The following IKBKB variants were observed in gnomAD, a reference collection of about 807,000 sequenced individuals.
The protein encoded by IKBKB is inhibitor of nuclear factor kappa B kinase subunit beta.
A neutral mutation model predicts 113.6 loss-of-function variants in IKBKB; 42 were observed. That is an observed-to-expected ratio of 0.37 (90% CI 0.29 to 0.48). The LOEUF is 0.48. Among genes scored for constraint, IKBKB ranks in the 20% least tolerant of loss-of-function variants. The probability of loss-of-function intolerance (pLI) is 0.99; values close to 1 mark genes in which losing one functional copy is unlikely to be tolerated. For missense variants in IKBKB, 673 were observed against 939.7 expected (o/e 0.72, Z 3.71); for synonymous variants, 296 against 361.3 (o/e 0.82, Z 2.05).
chr8:42,289,493 A>T (rs949774063), intron 3 of IKBKB, among the ~76,000 whole-genome samples: 2 of 152,148 alleles, frequency 1.3e-5, no homozygotes, highest in Non-Finnish European at 2.9e-5. Context: ...GCTGTCGCTG[A>T]CATTTATTCC....
At chr8:42,327,773 C>T (rs888222279) in intron 20 of IKBKB, among the ~76,000 whole-genome samples, 1 of 148,376 alleles carries the variant, frequency 6.7e-6, no homozygotes, top group African/African-American at 2.5e-5. Flanking sequence ...GCTGGGATTA[C>T]AGGCATGAGC....
At chr8:42,301,456 G>A (rs1352222475) in intron 5 of IKBKB, among the ~76,000 whole-genome samples, 1 of 152,148 alleles carries the variant, frequency 6.6e-6, no homozygotes, top group Non-Finnish European at 1.5e-5. Context: ...GTACTGTTTT[G>A]TAAAATGTAG....
chr8:42,273,422 AT>A (rs200559236), intron 2 of IKBKB, among the ~76,000 whole-genome samples: 32,550 of 145,264 alleles, frequency 0.22, 6,572 homozygotes, highest in African/African-American at 0.58. Context: ...CTCAAAAAAT[AT>A]ATATATATAT....
At chr8:42,310,174 G>T (rs561514812) in intron 8 of IKBKB, among the ~76,000 whole-genome samples, 2 of 152,186 alleles carry the variant, frequency 1.3e-5, no homozygotes, top group African/African-American at 2.4e-5. Flanking sequence ...ATTTAGGATT[G>T]TTCCTTGAGA....
rs1821750181 is a variant in IKBKB at position 42,332,243 on chromosome 8, A to G, written c.*1264A>G. On this transcript the variant is annotated 3_prime_UTR_variant, in exon 22 of 22. Coordinates refer to ENST00000520810, the MANE Select transcript of IKBKB (RefSeq NM_001556.3). ...GTCAAGTAAGTTTAGGGAGCTATTC[A>G]TGTTTCACTTGCTTTGTGGAGATTC... 6.6e-6 allele frequency: 1 copy of G among 152,222 alleles called. No individual in the cohort carries two copies. The highest frequency in any genetic ancestry group is 2.1e-4 in the South Asian group (1 of 4,832). The allele number at this position is 152,222 out of a possible 1,614,324, so 9.4% of individuals were successfully genotyped here.
intron 1 of IKBKB, 173 bp from the exon 2 acceptor site, chr8:42,271,910 T>A: frequency 1.4e-6 from 1 of 704,084 alleles, no homozygotes; most frequent in East Asian, 2.8e-5. Context: ...GACAAAAGTT[T>A]GCCACAAAGT....
chr8:42,296,228 G>A (rs1390794576), intron 5 of IKBKB, among the ~76,000 whole-genome samples: 5 of 152,228 alleles, frequency 3.3e-5, no homozygotes, highest in African/African-American at 4.8e-5. Flanking sequence ...TGGATGCGGT[G>A]GCTCACGCCT....
intron 2 of IKBKB, among the ~76,000 whole-genome samples, chr8:42,273,027 T>C (rs1281016682): frequency 6.6e-6 from 1 of 152,004 alleles, no homozygotes; most frequent in Non-Finnish European, 1.5e-5. Flanking sequence ...GAGGATTGCT[T>C]GTCCAGGAGT....
chr8:42,314,370 A>G lies in IKBKB; in HGVS notation c.741A>G (p.Glu247=). 1 of 1,614,148 alleles carries G rather than the reference A, an allele frequency of 6.2e-7. No individual in the cohort carries two copies. The highest frequency in any genetic ancestry group is 1.1e-5 in the South Asian group (1 of 91,076). The change falls in exon 9 of 22, where the codon GAA becomes GAG. Residue 247 remains glutamate (E), a synonymous_variant. Transcript: ENST00000520810. ...QKSEVDIVVS[E]DLNGTVKFSS... The stretch of plus-strand genomic sequence containing the variant: ...GTGAGGTGGACATTGTTGTTAGCGA[A>G]GACTTGAATGGAACGGTGAAGTTTT...
At chr8:42,312,141 C>T (rs1817830401) in intron 8 of IKBKB, among the ~76,000 whole-genome samples, 1 of 152,250 alleles carries the variant, frequency 6.6e-6, no homozygotes, top group Non-Finnish European at 1.5e-5. Context: ...CCGCCTCGGC[C>T]TCCCAAAGTG....
intron 20 of IKBKB, among the ~76,000 whole-genome samples, chr8:42,327,330 C>CTT (rs397767670): frequency 0.097 from 10,233 of 105,316 alleles, 1,124 homozygotes; most frequent in Non-Finnish European, 0.13. Flanking sequence ...CTCTCTCTCT[C>CTT]TTTTTTTTTT....
At chr8:42,330,504 T>C (rs1821571664) in intron 21 of IKBKB, 1 of 170,316 alleles carries the variant, frequency 5.9e-6, no homozygotes, top group African/African-American at 2.4e-5. Flanking sequence ...GGTTTCAATA[T>C]ATTTCTTTTT....
Position 42,271,387 on chromosome 8 carries a change from G to A in IKBKB, c.-101G>A, listed in dbSNP as rs199799153. 24 of 1,512,772 alleles carry A rather than the reference G, an allele frequency of 1.6e-5. No homozygotes were observed. Among genetic ancestry groups the A allele is most frequent in the Admixed American group, 1.6e-4 (8 of 50,780 alleles). 93.7% of individuals were successfully genotyped at this position (1,512,772 alleles called of 1,614,324 possible). A position where few individuals can be genotyped will look rare whatever the true frequency, so the allele number is the denominator to read the frequency against. ...CGCATTTTAATGTTTTCAGGGGGGT[G>A]TCATAGCCCCGGGTTTGGCCGCCCC... On this transcript the variant is annotated 5_prime_UTR_variant, in exon 1 of 22. Coordinates refer to ENST00000520810, the MANE Select transcript of IKBKB (RefSeq NM_001556.3).
chr8:42,320,625 T>C (rs1207603648), intron 15 of IKBKB, 110 bp from the exon 16 acceptor site: 2 of 863,632 alleles, frequency 2.3e-6, no homozygotes, highest in Admixed American at 3.7e-5. Context: ...GCCAGTCCAT[T>C]GAGGGTCCTC....
chr8:42,289,218 A>G (rs1415410758), intron 3 of IKBKB, among the ~76,000 whole-genome samples: 2 of 152,188 alleles, frequency 1.3e-5, no homozygotes, highest in Non-Finnish European at 2.9e-5. Context: ...CCGTCTAAAA[A>G]AAAGAGAAGA....
chr8:42,291,468 A>C (rs1812628874), intron 4 of IKBKB, among the ~76,000 whole-genome samples: 1 of 152,228 alleles, frequency 6.6e-6, no homozygotes, highest in African/African-American at 2.4e-5. Context: ...GGTGTGAGCC[A>C]CTGCGCCCAG....
chr8:42,300,451 A>G (rs1184282100), intron 5 of IKBKB, among the ~76,000 whole-genome samples: 1 of 152,198 alleles, frequency 6.6e-6, no homozygotes, highest in Admixed American at 6.5e-5. Context: ...TCTGAAGGGA[A>G]CTTAGTCATC....
intron 1 of IKBKB, chr8:42,271,838 C>T: frequency 1.8e-6 from 1 of 554,124 alleles, no homozygotes; most frequent in East Asian, 3.2e-5. Flanking sequence ...TGGGCATCGC[C>T]TCCCTCGGTG....
At chr8:42,274,504 T>G (rs1358841254) in intron 2 of IKBKB, among the ~76,000 whole-genome samples, 2 of 147,178 alleles carry the variant, frequency 1.4e-5, no homozygotes, top group Non-Finnish European at 3.0e-5. Flanking sequence ...CTATTCTACT[T>G]TCTACTTCTG....
Sources: gnomAD v4.1 joint callset for allele counts (sites outside exome capture counted in the v4.1 genomes callset) on GRCh38, gnomAD v4.1.1 for gene constraint, MANE v1.5 for transcripts, NCBI Gene and HGNC (gene_info 2026-07-23, HGNC 2026-07-21) for gene names.